DNAH10: variants seen among roughly 807,000 people sequenced by gnomAD.
DNAH10 encodes dynein axonemal heavy chain 10.
In DNAH10, 348 loss-of-function variants were observed where a neutral mutation model predicts 506.6. That is an observed-to-expected ratio of 0.69 (90% CI 0.63 to 0.75). The LOEUF (loss-of-function observed/expected upper bound fraction) is 0.75. Ranked by LOEUF, DNAH10 falls within the 30% of genes least tolerant of loss-of-function variation. DNAH10 has a pLI of 0.00. For missense variants in DNAH10, 5,179 were observed against 5,787.1 expected, an observed-to-expected ratio of 0.89 and a Z score of 3.41; for synonymous variants, 2,059 against 2,198.6, an observed-to-expected ratio of 0.94 and a Z score of 1.78.
intron 32 of DNAH10, 88 bp from the exon 33 acceptor site, chr12:123,847,873 A>G: frequency 6.7e-7 from 1 of 1,494,526 alleles, no homozygotes; most frequent in Middle Eastern, 1.8e-4. Context: ...TCTATTCTGC[A>G]CCTATAGTCA....
At position 123,845,803 on chromosome 12, in the gene DNAH10, A is replaced by G. The variant is rs1042848701; in HGVS notation, c.5564A>G (p.Lys1855Arg). 1.9e-6 allele frequency: 3 copies of G among 1,614,048 alleles called. No individual in the cohort carries two copies. The highest frequency in any genetic ancestry group is 2.5e-6 in the Non-Finnish European group (3 of 1,179,900). Residue 1855 changes from lysine to arginine, a missense_variant, in exon 31 of 79, where the codon AAA becomes AGA. Transcript: ENST00000673944. ...TMPLSKNDRK[K>R]YNTVLIIDVH... ...CCGCTAAGCAAAAACGACAGGAAAA[A>G]ATACAACACTGTTCTCATCATTGAT...
Position 123,903,374 on chromosome 12 carries a change from A to C in DNAH10, c.9815+261A>C, listed in dbSNP as rs1953620004. 6.6e-6 allele frequency among the ~76,000 whole-genome samples: 1 copy of C among 152,178 alleles called. No homozygotes were observed. Among genetic ancestry groups the C allele is most frequent in the Non-Finnish European group, 1.5e-5 (1 of 68,028 alleles). ...GCCTGCTGACCTTGAACCCAGGCCA[A>C]GGGAAGGATGGAGTGGGGTAAAACA... On this transcript the variant is annotated intron_variant, in intron 57 of 78. Transcript: ENST00000673944. The surrounding 1 kb of genome is among the most constrained non-coding windows in gnomAD (Gnocchi z 4.6).
At position 123,829,763 on chromosome 12, in the gene DNAH10, G is replaced by A. The variant is rs116704599; in HGVS notation, c.4392-783G>A. ...CAGTGATTCAACACTTGCTGCTCAC[G>A]TGCTGGGTACGTGGCGTTCTGCTGT... On this transcript the variant is annotated intron_variant, in intron 25 of 78. Transcript: ENST00000673944. Among the ~76,000 whole-genome samples, 1,445 of 152,182 alleles carry A rather than the reference G, an allele frequency of 9.5e-3. 14 individuals carry two copies. Among genetic ancestry groups the A allele is most frequent in the African/African-American group, 0.031 (1,305 of 41,514 alleles).
intron 61 of DNAH10, 87 bp from the exon 62 acceptor site, chr12:123,914,765 T>G: frequency 6.6e-7 from 1 of 1,512,788 alleles, no homozygotes; most frequent in African/African-American, 1.4e-5. Context: ...ATGGGTAGAT[T>G]GTTCTGGAAG....
intron 77 of DNAH10, chr12:123,934,325 T>C: frequency 1.5e-6 from 1 of 682,108 alleles, no homozygotes. Flanking sequence ...CAGGGTGGTC[T>C]AAGTCCGTGG....
At chr12:123,833,490 T>G in intron 27 of DNAH10, 143 bp downstream of exon 27, 2 of 680,916 alleles carry the variant, frequency 2.9e-6, no homozygotes, top group Non-Finnish European at 5.0e-6. Flanking sequence ...TTTTTTGTCT[T>G]GATTTATTTT....
intron 1 of DNAH10, among the ~76,000 whole-genome samples, chr12:123,764,028 G>A (rs551702568): frequency 2.1e-4 from 32 of 152,090 alleles, no homozygotes; most frequent in Middle Eastern, 6.8e-3. Flanking sequence ...ACCATGCCTG[G>A]CTGATTTTTG....
chr12:123,930,675 A>C, intron 73 of DNAH10, 102 bp downstream of exon 73: 1 of 1,375,176 alleles, frequency 7.3e-7, no homozygotes, highest in Non-Finnish European at 9.8e-7. Flanking sequence ...TCGGCTGGTC[A>C]GGTGTGGTCT....
chr12:123,778,992 C>T (rs958734791), intron 5 of DNAH10, among the ~76,000 whole-genome samples: 3 of 151,884 alleles, frequency 2.0e-5, no homozygotes, highest in Admixed American at 1.3e-4. Flanking sequence ...CTCTGCCTCC[C>T]GGGTTCATGC....
intron 9 of DNAH10, 150 bp downstream of exon 9, chr12:123,786,086 G>A: frequency 4.1e-6 from 4 of 983,122 alleles, no homozygotes; most frequent in Non-Finnish European, 4.3e-6. Flanking sequence ...GCACAGTGGT[G>A]CACACCTGTA....
Position 123,926,994 on chromosome 12 carries a change from T to A in DNAH10, c.12105+174T>A. The A allele has an allele frequency of 1.4e-6, 1 of 698,738 alleles. No individual in the cohort carries two copies. Among genetic ancestry groups the A allele is most frequent in the Non-Finnish European group, 2.3e-6 (1 of 427,144 alleles). The allele number at this position is 698,738 out of a possible 1,614,324, so 43.3% of individuals were successfully genotyped here. ...GAAGATGACAATAATAGTTATGATT[T>A]CACAACCTCATGTTGTGATCATGGT... On this transcript the variant is annotated intron_variant, in intron 69 of 78. Coordinates refer to ENST00000673944, the MANE Select transcript of DNAH10 (RefSeq NM_001372106.1). This position sits in a 1 kb window ranked among gnomAD's most constrained non-coding sequence, Gnocchi z 4.1.
chr12:123,809,974 AC>A (rs1452121199), intron 19 of DNAH10, among the ~76,000 whole-genome samples: 1 of 150,530 alleles, frequency 6.6e-6, no homozygotes, highest in Non-Finnish European at 1.5e-5. Flanking sequence ...CTCTCCCGTC[AC>A]CCCCCTCCCA....
chr12:123,816,840 T>G (rs2136385916), intron 21 of DNAH10, among the ~76,000 whole-genome samples: 1 of 152,320 alleles, frequency 6.6e-6, no homozygotes, highest in Non-Finnish European at 1.5e-5. Flanking sequence ...GGAATCCACG[T>G]GTTCAGCTTC....
Position 123,930,441 on chromosome 12 carries a change from C to T in DNAH10, c.12652C>T (p.Arg4218Cys), listed in dbSNP as rs377729411. ...GGRAIDSFDR[R>C]ILTIYMDEYL... ...ACGGGCCATCGACAGCTTTGATCGC[C>T]GCATCCTGACCATCTACATGGATGA... is the stretch of plus-strand genomic sequence containing the variant. Residue 4218 changes from arginine (R) to cysteine (C), a missense_variant, in exon 73 of 79, where the codon CGC becomes TGC. Transcript: ENST00000673944. 6.6e-5 allele frequency: 105 copies of T among 1,597,074 alleles called. No individual in the cohort carries two copies. The highest frequency in any genetic ancestry group is 9.1e-5 in the South Asian group (8 of 88,088).
chr12:123,879,743 G>T lies in DNAH10; in HGVS notation c.8576G>T (p.Gly2859Val), dbSNP rs1292160084. The T allele has an allele frequency of 6.2e-7, 1 of 1,613,924 alleles. No homozygotes were observed. The highest frequency in any genetic ancestry group is 1.3e-5 in the African/African-American group (1 of 74,934). Residue 2859 changes from glycine to valine, a missense_variant, in exon 50 of 79, where the codon GGA (glycine) becomes GTA (valine). Gly to Val is a moderately radical substitution (Grantham distance 109). Around this residue, in one of 3 missense-constraint regions of DNAH10, gnomAD observed 4,844 missense variants for 5,430.5 expected, o/e 0.89. Coordinates refer to ENST00000673944, the MANE Select transcript of DNAH10 (RefSeq NM_001372106.1). Reference sequence around the variant, plus strand: ...GACTTCCAGATGGCTCTGCACGAAGGAGAACCACGCATTTATGAAGACATC... The same window carrying T: ...GACTTCCAGATGGCTCTGCACGAAGTAGAACCACGCATTTATGAAGACATC... ...FGDFQMALHE[G>V]EPRIYEDIQD... is the part of the protein sequence containing the mutation.
intron 54 of DNAH10, 133 bp from the exon 55 acceptor site, chr12:123,897,637 A>G: frequency 1.1e-6 from 1 of 887,290 alleles, no homozygotes; most frequent in Non-Finnish European, 1.7e-6. Flanking sequence ...AGGTGGGAGG[A>G]TCACCTGTGC....
In DNAH10 at chr12:123,920,698, A is replaced by G. The variant is rs79270351; in HGVS notation, c.11506+1749A>G. Among the ~76,000 whole-genome samples the G allele has an allele frequency of 7.2e-3, 1,102 of 152,314 alleles. 7 individuals are homozygous for G. Among genetic ancestry groups the G allele is most frequent in the African/African-American group, 0.025 (1,035 of 41,572 alleles). ...TCACATTATTTTAAATCAGGACCTC[A>G]TTAAGGTCTATACATTATAATTGGT... On this transcript the variant is annotated intron_variant, in intron 65 of 78. Transcript: ENST00000673944.
At chr12:123,768,410 C>T (rs763980143) in intron 2 of DNAH10, among the ~76,000 whole-genome samples, 14 of 152,198 alleles carry the variant, frequency 9.2e-5, no homozygotes, top group South Asian at 2.1e-4. Context: ...GCTGGGATTA[C>T]AGGCGTGAGC....
At chr12:123,767,948 C>T (rs1436934533) in intron 2 of DNAH10, among the ~76,000 whole-genome samples, 3 of 152,192 alleles carry the variant, frequency 2.0e-5, no homozygotes, top group African/African-American at 7.2e-5. Context: ...AATCAAGGTG[C>T]TGGCAGGGCT....
Sources: gnomAD v4.1 joint callset for allele counts (sites outside exome capture counted in the v4.1 genomes callset) on GRCh38, gnomAD v4.1.1 for gene constraint, gnomAD v4.1.1 regional missense constraint, Gnocchi (gnomAD v3.1) non-coding constraint, MANE v1.5 for transcripts, NCBI Gene and HGNC (gene_info 2026-07-23, HGNC 2026-07-21) for gene names.